The following NRG3 variants were observed in gnomAD, a reference collection of about 807,000 sequenced individuals.
The protein encoded by NRG3 is pro-neuregulin-3, membrane-bound isoform.
Under a neutral mutation model 66.9 loss-of-function variants are expected in NRG3, and 31 were observed. The ratio of observed to expected loss-of-function variants is 0.46; its 90% confidence interval spans 0.35 to 0.63. The LOEUF (loss-of-function observed/expected upper bound fraction) is 0.63, where lower values mean the gene tolerates loss of function less well. NRG3 is among the 20% of genes least tolerant of loss of function. The pLI is 0.00. For synonymous variants in NRG3, 393 were observed against 359.4 expected, an observed-to-expected ratio of 1.09 and a Z score of -1.06; for missense variants, 910 against 878.9, an observed-to-expected ratio of 1.04 and a Z score of -0.45.
At chr10:82,614,568 T>G (rs2133541128) in intron 2 of NRG3, among the ~76,000 whole-genome samples, 1 of 152,334 alleles carries the variant, frequency 6.6e-6, no homozygotes, top group South Asian at 2.1e-4. Flanking sequence ...TTTAATGCTT[T>G]ATTAATGATT....
intron 2 of NRG3, among the ~76,000 whole-genome samples, chr10:82,521,981 C>T (rs1590464352): frequency 6.6e-6 from 1 of 152,102 alleles, no homozygotes; most frequent in East Asian, 1.9e-4. Flanking sequence ...AGGCTCTACC[C>T]CTAACTCTAG....
At chr10:82,918,890 G>A (rs1376700326) in intron 4 of NRG3, among the ~76,000 whole-genome samples, 2 of 152,188 alleles carry the variant, frequency 1.3e-5, no homozygotes, top group East Asian at 1.9e-4. Flanking sequence ...ATGCTAAAAT[G>A]TATTCATTGT....
At chr10:82,192,972 T>G (rs1323185811) in intron 1 of NRG3, among the ~76,000 whole-genome samples, 2 of 139,732 alleles carry the variant, frequency 1.4e-5, no homozygotes, top group Non-Finnish European at 3.1e-5. Context: ...AGGAAGAAAG[T>G]GAGAGAGAGA....
chr10:82,963,807 T>G (rs898443755), intron 6 of NRG3, among the ~76,000 whole-genome samples: 1 of 152,210 alleles, frequency 6.6e-6, no homozygotes, highest in African/African-American at 2.4e-5. Flanking sequence ...CAAAATGTCT[T>G]TAAACAATCA....
intron 1 of NRG3, among the ~76,000 whole-genome samples, chr10:82,301,557 T>A (rs1164556414): frequency 1.3e-5 from 2 of 151,962 alleles, no homozygotes; most frequent in Admixed American, 6.6e-5. Context: ...TTACTGATAC[T>A]AATCTATTCT....
intron 1 of NRG3, among the ~76,000 whole-genome samples, chr10:81,920,781 T>A (rs997167206): frequency 6.6e-6 from 1 of 152,180 alleles, no homozygotes. Context: ...CTTATTCACT[T>A]AATGTTTTGT....
At chr10:82,930,881 C>T (rs998504384) in intron 4 of NRG3, among the ~76,000 whole-genome samples, 11 of 152,154 alleles carry the variant, frequency 7.2e-5, no homozygotes, top group African/African-American at 2.7e-4. Flanking sequence ...TCATGAAAAT[C>T]TTAGGTCTAA....
chr10:82,978,330 G>A lies in NRG3; in HGVS notation c.1413-620G>A, dbSNP rs533719976. 3.3e-5 allele frequency among the ~76,000 whole-genome samples: 5 copies of A among 152,220 alleles called. No individual in the cohort carries two copies. In the South Asian group the frequency reaches 1.0e-3, roughly 32 times the overall value. On this transcript the variant is annotated intron_variant, in intron 7 of 8. Transcript: ENST00000372141. ...TAAACATATAGTTATTTAGGCATTT[G>A]GATGTATGAGTCAAATAAAATATAT...
At chr10:82,757,337 T>C (rs342392) in intron 3 of NRG3, among the ~76,000 whole-genome samples, 121,042 of 151,966 alleles carry the variant, frequency 0.8, 48,360 homozygotes, top group Admixed American at 0.85. Context: ...GAGTGACAGA[T>C]TGAAAATAAA....
chr10:82,151,395 A>G (rs1355811845), intron 1 of NRG3, among the ~76,000 whole-genome samples: 1 of 152,214 alleles, frequency 6.6e-6, no homozygotes, highest in African/African-American at 2.4e-5. Flanking sequence ...AAATCTTATT[A>G]TGTACAGAAA....
At chr10:82,452,114 T>C (rs1400005217) in intron 2 of NRG3, among the ~76,000 whole-genome samples, 1 of 152,232 alleles carries the variant, frequency 6.6e-6, no homozygotes, top group Non-Finnish European at 1.5e-5. Context: ...TCTTAGCTGA[T>C]GTCTAATAAC....
chr10:82,952,487 G>C (rs867149351), intron 5 of NRG3, among the ~76,000 whole-genome samples: 12,212 of 144,268 alleles, frequency 0.085, 803 homozygotes, highest in Middle Eastern at 0.15. Context: ...GTGTGTGTGT[G>C]TGTGTGTGTG....
At chr10:82,195,931 C>T (rs528852242) in intron 1 of NRG3, among the ~76,000 whole-genome samples, 2 of 152,204 alleles carry the variant, frequency 1.3e-5, no homozygotes, top group Non-Finnish European at 2.9e-5. Flanking sequence ...CCCCTGCAGT[C>T]TCCAAACGGA....
chr10:81,904,498 T>C (rs1844396652), intron 1 of NRG3, among the ~76,000 whole-genome samples: 1 of 152,060 alleles, frequency 6.6e-6, no homozygotes, highest in African/African-American at 2.4e-5. Flanking sequence ...AGACTTTACC[T>C]TTTGATTCCA....
At position 82,468,353 on chromosome 10, in the gene NRG3, TGGAAGTGTCAGACCTTTAGA is replaced by T. The variant is rs60250775; in HGVS notation, c.953+109502_953+109521del. Among the ~76,000 whole-genome samples the T allele has an allele frequency of 4.8e-3, 727 of 151,174 alleles. 5 individuals are homozygous for T. Among genetic ancestry groups the T allele is most frequent in the African/African-American group, 0.017 (695 of 40,944 alleles). ...ATAAAATAATTCTCTTGAATTTATATGGAAGTGTCAGACCTTTAGAGGAAGTGTCAGACCTTCAGAGGGGG... is the reference window on the plus strand; with the variant it reads ...ATAAAATAATTCTCTTGAATTTATATGGAAGTGTCAGACCTTCAGAGGGGG... On this transcript the variant is annotated intron_variant, in intron 2 of 8. Coordinates refer to ENST00000372141, the MANE Select transcript of NRG3 (RefSeq NM_001010848.4).
rs956268625 is a variant in NRG3 at position 81,931,657 on chromosome 10, C to G, written c.823+55494C>G. ...ATTCTTGGATTTCCACACCCACACT[C>G]TTTTTACTATTCATTCTCTAAAAGC... On this transcript the variant is annotated intron_variant, in intron 1 of 8. Coordinates refer to ENST00000372141, the MANE Select transcript of NRG3 (RefSeq NM_001010848.4). Among the ~76,000 whole-genome samples, 6 of 152,278 alleles carry G rather than the reference C, an allele frequency of 3.9e-5. No homozygotes were observed. In the East Asian group the frequency reaches 1.2e-3, roughly 29 times the overall value.
At chr10:82,720,337 C>T (rs1328592223) in intron 2 of NRG3, among the ~76,000 whole-genome samples, 1 of 151,876 alleles carries the variant, frequency 6.6e-6, no homozygotes, top group African/African-American at 2.4e-5. Context: ...TTGCAGTGAG[C>T]TGAGATTGCG....
chr10:82,595,009 T>C (rs1258903384), intron 2 of NRG3, among the ~76,000 whole-genome samples: 1 of 152,104 alleles, frequency 6.6e-6, no homozygotes, highest in Non-Finnish European at 1.5e-5. Context: ...TTTTTAGAGA[T>C]GGGGTCTTGC....
At chr10:82,978,719 C>G (rs530454284) in intron 7 of NRG3, among the ~76,000 whole-genome samples, 1 of 152,266 alleles carries the variant, frequency 6.6e-6, no homozygotes, top group Non-Finnish European at 1.5e-5. Flanking sequence ...ACCTAGAAAG[C>G]CAGAAATCCA....
Sources: allele counts gnomAD v4.1 joint callset (sites outside exome capture counted in the v4.1 genomes callset), GRCh38; gene constraint gnomAD v4.1.1; transcripts MANE v1.5; gene names NCBI Gene and HGNC (gene_info 2026-07-23, HGNC 2026-07-21).